PCYT1B: variants seen among roughly 807,000 people sequenced by gnomAD.
PCYT1B encodes the protein choline-phosphate cytidylyltransferase B.
In PCYT1B, 10 loss-of-function variants were observed where a neutral mutation model predicts 26.4. That is an observed-to-expected ratio of 0.38 (90% confidence interval 0.23 to 0.64). The LOEUF (loss-of-function observed/expected upper bound fraction) is 0.64, where lower values mean the gene tolerates loss of function less well. Among genes scored for constraint, PCYT1B ranks in the 30% least tolerant of loss-of-function variants. PCYT1B has a pLI of 0.56. For missense variants in PCYT1B, 161 were observed against 292.7 expected (o/e 0.55, Z 3.28); for synonymous variants, 131 against 108.4 (o/e 1.21, Z -1.29).
intron 4 of PCYT1B, among the ~76,000 whole-genome samples, chrX:24,589,322 T>A (rs1924477045): frequency 8.9e-6 from 1 of 112,074 alleles, no homozygotes; most frequent in Non-Finnish European, 1.9e-5. Context: ...TCTTATTTTT[T>A]TTGTACTGCT....
At chrX:24,574,362 C>A (rs913817002) in intron 7 of PCYT1B, among the ~76,000 whole-genome samples, 1 of 111,528 alleles carries the variant, frequency 9.0e-6, no homozygotes, top group Non-Finnish European at 1.9e-5. Context: ...AGGGCATGCA[C>A]AATAGAAATA....
At chrX:24,567,424 A>G (rs1923668298) in intron 7 of PCYT1B, among the ~76,000 whole-genome samples, 1 of 112,398 alleles carries the variant, frequency 8.9e-6, no homozygotes. Context: ...CAATACAGTC[A>G]GGAGACAGTT....
intron 1 of PCYT1B, among the ~76,000 whole-genome samples, chrX:24,637,487 A>ATATATATATATAT (rs1218518627): frequency 1.8e-5 from 1 of 56,169 alleles, no homozygotes; most frequent in Non-Finnish European, 2.7e-5. Context: ...ACTAAAAAAA[A>ATATATATATATAT]AAAAATATAT....
chrX:24,598,786 C>T (rs936825021), intron 3 of PCYT1B, among the ~76,000 whole-genome samples: 3 of 111,581 alleles, frequency 2.7e-5, no homozygotes, highest in African/African-American at 9.7e-5. Context: ...TACATTTGAA[C>T]TGAAAATACA....
intron 1 of PCYT1B, among the ~76,000 whole-genome samples, chrX:24,633,282 A>T (rs1008008766): frequency 5.5e-5 from 6 of 109,509 alleles, no homozygotes; most frequent in Non-Finnish European, 7.6e-5. Context: ...AATGATAAAT[A>T]CTCAAGGTGA....
At chrX:24,618,951 A>G (rs767766234) in intron 2 of PCYT1B, 34 bp downstream of exon 2, 6 of 892,669 alleles carry the variant, frequency 6.7e-6, no homozygotes, top group Non-Finnish European at 9.3e-6. Flanking sequence ...ATGTCAAGAC[A>G]GGGCCCATTT....
chrX:24,600,145 G>C (rs1188617113), intron 3 of PCYT1B, among the ~76,000 whole-genome samples: 1 of 111,315 alleles, frequency 9.0e-6, no homozygotes, highest in Non-Finnish European at 1.9e-5. Flanking sequence ...GACCTCAAGT[G>C]ATCCACCCAC....
chrX:24,587,471 G>A (rs538101105), intron 4 of PCYT1B, 152 bp from the exon 5 acceptor site: 388 of 436,539 alleles, frequency 8.9e-4, no homozygotes, highest in Middle Eastern at 3.5e-3. Flanking sequence ...TGGCTGAAAT[G>A]TATTTCCAAC....
Position 24,559,442 on chromosome X carries a change from A to AGAGC in PCYT1B, c.*2850_*2851insGCTC, listed in dbSNP as rs540793084. 15 of 5,960 alleles carry AGAGC rather than the reference A, an allele frequency of 2.5e-3. No individual in the cohort carries two copies. The highest frequency in any genetic ancestry group is 8.3e-3 in the Non-Finnish European group (2 of 240). The allele number at this position is 5,960 out of a possible 1,213,427, so 0.5% of individuals were successfully genotyped here. A position where few individuals can be genotyped will look rare whatever the true frequency, so the allele number is the denominator to read the frequency against. ...AAAGAGAAAGAAGAAAGAAAAAGAA[A>AGAGC]GAGAGAGAGAGAGAAAGAAAGAGAA... On this transcript the variant is annotated 3_prime_UTR_variant, in exon 8 of 8. Transcript: ENST00000379144.
intron 7 of PCYT1B, among the ~76,000 whole-genome samples, chrX:24,563,270 G>C (rs994181419): frequency 8.9e-6 from 1 of 112,126 alleles, no homozygotes; most frequent in Admixed American, 9.4e-5. Flanking sequence ...AGCAAGTGGG[G>C]CTGGGAGCAG....
intron 3 of PCYT1B, among the ~76,000 whole-genome samples, chrX:24,594,944 T>A (rs1360301275): frequency 8.9e-6 from 1 of 111,888 alleles, no homozygotes; most frequent in African/African-American, 3.2e-5. Flanking sequence ...TCAAACTCTC[T>A]GAGCCTCAGT....
chrX:24,576,560 C>G (rs1221022028), intron 6 of PCYT1B, among the ~76,000 whole-genome samples: 1 of 111,610 alleles, frequency 9.0e-6, no homozygotes. Flanking sequence ...TCGCCTCGGC[C>G]TTCCAAAGTG....
chrX:24,671,156 G>A (rs1452264305), intron 1 of PCYT1B, among the ~76,000 whole-genome samples: 3 of 110,443 alleles, frequency 2.7e-5, no homozygotes, highest in Admixed American at 9.7e-5. Context: ...TTTTAGTCGC[G>A]AGGGGGTTTC....
intron 1 of PCYT1B, among the ~76,000 whole-genome samples, chrX:24,624,003 G>A (rs1435145703): frequency 4.4e-5 from 4 of 91,193 alleles, no homozygotes; most frequent in South Asian, 5.6e-4. Context: ...ACAGAGTCTC[G>A]CTCTGTCGCC....
intron 1 of PCYT1B, among the ~76,000 whole-genome samples, chrX:24,653,524 A>G (rs1926828296): frequency 8.9e-6 from 1 of 111,746 alleles, no homozygotes. Context: ...TCTGAACTGC[A>G]TGTTCTACCC....
intron 1 of PCYT1B, among the ~76,000 whole-genome samples, chrX:24,653,007 C>A (rs1926817367): frequency 9.0e-6 from 1 of 111,265 alleles, no homozygotes; most frequent in Admixed American, 9.5e-5. Flanking sequence ...ATCGCTTGAA[C>A]CCAGGAGGAG....
intron 6 of PCYT1B, among the ~76,000 whole-genome samples, chrX:24,578,532 C>T (rs745399531): frequency 4.5e-5 from 5 of 111,930 alleles, no homozygotes; most frequent in Non-Finnish European, 7.5e-5. Context: ...CCTGTGGGAA[C>T]AATATGGTAG....
chrX:24,629,387 G>T (rs763647084), intron 1 of PCYT1B, among the ~76,000 whole-genome samples: 7 of 106,914 alleles, frequency 6.5e-5, no homozygotes, highest in Admixed American at 2.1e-4. Context: ...GCAACATGGC[G>T]AAACCCTCTC....
In PCYT1B at chrX:24,562,287, C is replaced by T. The variant is rs765246661; in HGVS notation, c.*6G>A. 1 of 1,151,238 alleles carries T rather than the reference C, an allele frequency of 8.7e-7. No individual in the cohort carries two copies. Among genetic ancestry groups the T allele is most frequent in the African/African-American group, 1.8e-5 (1 of 55,597 alleles). The allele number at this position is 1,151,238 out of a possible 1,213,427, so 94.9% of individuals were successfully genotyped here. A position where few individuals can be genotyped will look rare whatever the true frequency, so the allele number is the denominator to read the frequency against. On this transcript the variant is annotated 3_prime_UTR_variant, in exon 8 of 8. Coordinates refer to ENST00000379144, the MANE Select transcript of PCYT1B (RefSeq NM_004845.5). ...GCATGGTGCGGCTCTTGCCTCCCAG[C>T]AGCCTCTACTTTTCATCCTCATCCC...
Sources: allele counts gnomAD v4.1 joint callset (sites outside exome capture counted in the v4.1 genomes callset), GRCh38; gene constraint gnomAD v4.1.1; transcripts MANE v1.5; gene names NCBI Gene and HGNC (gene_info 2026-07-23, HGNC 2026-07-21).